Variants in IQGAP2 observed in about 807,000 individuals in gnomAD.
IQGAP2 encodes the protein ras GTPase-activating-like protein IQGAP2.
A neutral mutation model predicts 201.3 loss-of-function variants in IQGAP2; 173 were observed. The observed-to-expected ratio is 0.86, with a 90% CI of 0.76 to 0.98. The LOEUF is 0.98. Ranked by LOEUF, IQGAP2 falls within the 50% of genes least tolerant of loss-of-function variation. IQGAP2 has a pLI of 0.00. For missense variants in IQGAP2, 1,687 were observed against 1,864.8 expected (o/e 0.90, Z 1.76); for synonymous variants, 675 against 673.9 (o/e 1.00, Z -0.03).
intron 28 of IQGAP2, 103 bp downstream of exon 28, chr5:76,677,453 A>G: frequency 3.0e-6 from 3 of 1,001,624 alleles, no homozygotes; most frequent in Non-Finnish European, 4.3e-6. Context: ...CACATGTGCT[A>G]ATACTCATAT....
chr5:76,501,473 G>C (rs1051675970), intron 2 of IQGAP2, among the ~76,000 whole-genome samples: 8 of 151,988 alleles, frequency 5.3e-5, no homozygotes, highest in Non-Finnish European at 8.8e-5. Context: ...AATCGGAACA[G>C]TATTGCATGC....
At chr5:76,640,215 T>G (rs754973312) in intron 16 of IQGAP2, among the ~76,000 whole-genome samples, 1 of 152,236 alleles carries the variant, frequency 6.6e-6, no homozygotes, top group African/African-American at 2.4e-5. Context: ...CACTTTTAGC[T>G]CTTTAAGTTA....
chr5:76,574,621 G>C (rs774141592), intron 4 of IQGAP2, among the ~76,000 whole-genome samples: 41 of 152,178 alleles, frequency 2.7e-4, no homozygotes, highest in Non-Finnish European at 5.4e-4. Context: ...AAAAGAGTAA[G>C]AAATAGTATG....
chr5:76,526,004 C>A (rs1452445588), intron 2 of IQGAP2, among the ~76,000 whole-genome samples: 1 of 152,174 alleles, frequency 6.6e-6, no homozygotes, highest in Non-Finnish European at 1.5e-5. Flanking sequence ...GAGGCTAATG[C>A]AAAGTAAAAT....
chr5:76,560,078 A>C (rs959926075), intron 2 of IQGAP2, among the ~76,000 whole-genome samples: 1 of 152,150 alleles, frequency 6.6e-6, no homozygotes, highest in African/African-American at 2.4e-5. Flanking sequence ...CATTTATTTC[A>C]GTGTTTAACA....
chr5:76,506,766 C>A (rs1231329021), intron 2 of IQGAP2, among the ~76,000 whole-genome samples: 1 of 152,204 alleles, frequency 6.6e-6, no homozygotes, highest in East Asian at 1.9e-4. Flanking sequence ...AACACACTTA[C>A]ATCAACACCC....
chr5:76,587,779 TA>T (rs1047540896), intron 5 of IQGAP2, among the ~76,000 whole-genome samples: 12 of 149,894 alleles, frequency 8.0e-5, no homozygotes, highest in East Asian at 3.9e-4. Context: ...CCGTCTCTAC[TA>T]AAAAAAAATA....
At chr5:76,496,762 TTTCTTTC>T (rs1561416570) in intron 2 of IQGAP2, among the ~76,000 whole-genome samples, 24 of 57,856 alleles carry the variant, frequency 4.1e-4, no homozygotes, top group Non-Finnish European at 6.1e-4. Context: ...TCTTTCTTTC[TTTCTTTC>T]TTTCTTTCTT....
chr5:76,700,360 C>T (rs10213750), intron 33 of IQGAP2, among the ~76,000 whole-genome samples: 48,056 of 151,928 alleles, frequency 0.32, 7,779 homozygotes, highest in Non-Finnish European at 0.35. Flanking sequence ...TACAAAAATT[C>T]GCCGGATGTG....
At chr5:76,629,756 G>A (rs1750545233) in intron 14 of IQGAP2, among the ~76,000 whole-genome samples, 1 of 152,156 alleles carries the variant, frequency 6.6e-6, no homozygotes, top group Non-Finnish European at 1.5e-5. Context: ...CTGTGAATGT[G>A]TGCCTTAAGA....
chr5:76,652,591 C>A (rs1485810265), intron 17 of IQGAP2, among the ~76,000 whole-genome samples, 159 bp from the exon 18 acceptor site: 2 of 152,174 alleles, frequency 1.3e-5, no homozygotes, highest in African/African-American at 4.8e-5. Flanking sequence ...CTGTGTTTAA[C>A]TGGCTACCCC....
At chr5:76,489,178 A>G (rs996462715) in intron 2 of IQGAP2, among the ~76,000 whole-genome samples, 2 of 152,116 alleles carry the variant, frequency 1.3e-5, no homozygotes, top group Non-Finnish European at 2.9e-5. Flanking sequence ...AGTTTGACCT[A>G]TGGATGAGCC....
chr5:76,614,426 T>C (rs1187767335), intron 13 of IQGAP2, among the ~76,000 whole-genome samples: 3 of 152,164 alleles, frequency 2.0e-5, no homozygotes, highest in Admixed American at 6.5e-5. Context: ...TTTAAACAGA[T>C]TTAAAATACT....
intron 4 of IQGAP2, among the ~76,000 whole-genome samples, chr5:76,571,052 G>A (rs1238690180): frequency 6.7e-6 from 1 of 149,678 alleles, no homozygotes; most frequent in African/African-American, 2.5e-5. Flanking sequence ...CTTGAGGCCA[G>A]GAGTTTGAGA....
intron 17 of IQGAP2, among the ~76,000 whole-genome samples, chr5:76,647,823 C>CCCCACACACACACACACACACACA (rs1554080322): frequency 2.4e-4 from 15 of 62,578 alleles, no homozygotes; most frequent in African/African-American, 5.9e-4. Flanking sequence ...TAGCCAAACA[C>CCCCACACACACACACACACACACA]CACACACACA....
intron 13 of IQGAP2, among the ~76,000 whole-genome samples, chr5:76,622,649 A>C (rs1749814172): frequency 6.6e-6 from 1 of 152,216 alleles, no homozygotes; most frequent in Non-Finnish European, 1.5e-5. Flanking sequence ...AAAAAATCAT[A>C]TATGAGGGTA....
intron 5 of IQGAP2, among the ~76,000 whole-genome samples, 200 bp from the exon 6 acceptor site, chr5:76,588,706 T>G (rs1746415804): frequency 6.6e-6 from 1 of 152,226 alleles, no homozygotes; most frequent in Non-Finnish European, 1.5e-5. Flanking sequence ...GACCAGTCTT[T>G]GGGACACAGA....
intron 10 of IQGAP2, among the ~76,000 whole-genome samples, chr5:76,599,969 C>T (rs1164860024): frequency 6.6e-6 from 1 of 152,066 alleles, no homozygotes; most frequent in African/African-American, 2.4e-5. Context: ...TAAGCTAAAT[C>T]CAGATTTTAA....
At chr5:76,652,200 A>G (rs463973) in intron 17 of IQGAP2, among the ~76,000 whole-genome samples, 74,293 of 152,024 alleles carry the variant, frequency 0.49, 18,715 homozygotes, top group Non-Finnish European at 0.56. Context: ...TTGATGAAGC[A>G]TTGTTTAACT....
Sources: allele counts gnomAD v4.1 joint callset (sites outside exome capture counted in the v4.1 genomes callset), GRCh38; gene constraint gnomAD v4.1.1; transcripts MANE v1.5; gene names NCBI Gene and HGNC (gene_info 2026-07-23, HGNC 2026-07-21).